The following ADAMTSL3 variants were observed in gnomAD, a reference collection of about 807,000 sequenced individuals.
The protein encoded by ADAMTSL3 is ADAMTS like 3, also known as ADAMTS-like protein 3.
ADAMTSL3 carries 128 observed loss-of-function variants against 201.7 expected under a neutral mutation model. The ratio of observed to expected loss-of-function variants is 0.63; its 90% CI spans 0.55 to 0.73. ADAMTSL3 has a LOEUF of 0.73. Among genes scored for constraint, ADAMTSL3 ranks in the 30% least tolerant of loss-of-function variants. The pLI is 0.00. For missense variants in ADAMTSL3, 1,990 were observed against 2,119.6 expected (o/e 0.94, Z 1.20); for synonymous variants, 738 against 748.4 (o/e 0.99, Z 0.23).
Position 83,885,343 on chromosome 15 carries a change from C to A in ADAMTSL3, c.1072+131C>A, listed in dbSNP as rs1291345587. 4 of 708,310 alleles carry A rather than the reference C, an allele frequency of 5.6e-6. No homozygotes were observed. The African/African-American group carries it at 7.2e-5, about 13-fold the overall frequency. 43.9% of individuals were successfully genotyped at this position (708,310 alleles called of 1,614,324 possible). A position where few individuals can be genotyped will look rare whatever the true frequency, so the allele number is the denominator to read the frequency against. The stretch of plus-strand genomic sequence containing the variant: ...TCTCATCACACAGCACCTTACTCAG[C>A]AGCCTGAATGCAATCGTGTTAATGA... On this transcript the variant is annotated intron_variant, in intron 10 of 29. Coordinates refer to ENST00000286744, the MANE Select transcript of ADAMTSL3 (RefSeq NM_207517.3).
intron 2 of ADAMTSL3, among the ~76,000 whole-genome samples, chr15:83,695,244 G>A (rs796942412): frequency 1.9e-3 from 26 of 13,564 alleles, no homozygotes; most frequent in Non-Finnish European, 3.1e-3. Flanking sequence ...GTGTGTGTGT[G>A]TGTGTGTGTG....
intron 17 of ADAMTSL3, 117 bp downstream of exon 17, chr15:83,924,150 T>C (rs142888096): frequency 1.5e-4 from 193 of 1,322,718 alleles, no homozygotes; most frequent in Non-Finnish European, 1.8e-4. Context: ...GTGCTAAGCC[T>C]GCTTCAGAGC....
chr15:83,762,623 C>T (rs924454085), intron 3 of ADAMTSL3, among the ~76,000 whole-genome samples: 2 of 152,086 alleles, frequency 1.3e-5, no homozygotes, highest in Non-Finnish European at 2.9e-5. Context: ...TCTCAAGCTC[C>T]TTATAAGGGC....
chr15:83,772,640 T>A (rs1412019017), intron 3 of ADAMTSL3, among the ~76,000 whole-genome samples: 2 of 152,294 alleles, frequency 1.3e-5, no homozygotes, highest in East Asian at 3.9e-4. Flanking sequence ...TTATGCAAGG[T>A]TTCTTGGGAG....
chr15:83,738,293 A>G (rs1166894079), intron 3 of ADAMTSL3, among the ~76,000 whole-genome samples: 3 of 152,248 alleles, frequency 2.0e-5, no homozygotes, highest in Non-Finnish European at 1.5e-5. Context: ...ACTTTCCCCA[A>G]TCAGTAGGTT....
At position 83,885,089 on chromosome 15, in the gene ADAMTSL3, C is replaced by G; in HGVS notation, c.961-12C>G. ...TGTTTGCACGTGTGTTCTCACAGTT[C>G]TCTTTGTCCAGACCAGGTACACTGC... On this transcript the variant is annotated splice_polypyrimidine_tract_variant and intron_variant, in intron 9 of 29. Transcript: ENST00000286744. 6.3e-7 allele frequency: 1 copy of G among 1,593,460 alleles called. No individual in the cohort carries two copies. Among genetic ancestry groups the G allele is most frequent in the Non-Finnish European group, 8.6e-7 (1 of 1,162,834 alleles).
chr15:83,706,517 C>G (rs769320540), intron 3 of ADAMTSL3, among the ~76,000 whole-genome samples: 3 of 152,210 alleles, frequency 2.0e-5, no homozygotes, highest in Admixed American at 6.5e-5. Context: ...CCACTTTCCT[C>G]TACTAAAGGC....
intron 15 of ADAMTSL3, among the ~76,000 whole-genome samples, chr15:83,903,933 A>AGG (rs1567226051): frequency 8.2e-5 from 2 of 24,480 alleles, no homozygotes; most frequent in African/African-American, 8.1e-4. Flanking sequence ...AAAAAAAAAA[A>AGG]AAAAAAAAAA....
chr15:83,960,794 G>A (rs2066953310), intron 19 of ADAMTSL3, among the ~76,000 whole-genome samples: 1 of 152,188 alleles, frequency 6.6e-6, no homozygotes, highest in Admixed American at 6.5e-5. Flanking sequence ...ACAAATGGAT[G>A]TAAAGTCTCC....
At chr15:83,978,246 G>A (rs1029424579) in intron 20 of ADAMTSL3, among the ~76,000 whole-genome samples, 1 of 152,250 alleles carries the variant, frequency 6.6e-6, no homozygotes, top group African/African-American at 2.4e-5. Flanking sequence ...AGGAGCTGAG[G>A]TCATTGCCAT....
chr15:84,015,613 C>T (rs2068076038), intron 24 of ADAMTSL3, among the ~76,000 whole-genome samples: 1 of 152,286 alleles, frequency 6.6e-6, no homozygotes, highest in East Asian at 1.9e-4. Flanking sequence ...CTCCCTGCTA[C>T]CCCTCATGGA....
chr15:83,840,075 T>C (rs1417126805), intron 7 of ADAMTSL3, among the ~76,000 whole-genome samples: 2 of 152,046 alleles, frequency 1.3e-5, no homozygotes. Context: ...AAAGAGAGTA[T>C]GTAGAATATA....
intron 4 of ADAMTSL3, among the ~76,000 whole-genome samples, chr15:83,776,627 G>T (rs2063078530): frequency 6.6e-6 from 1 of 152,128 alleles, no homozygotes; most frequent in Admixed American, 6.5e-5. Context: ...TAAGGCAGGA[G>T]AATTGCTTGA....
At chr15:83,884,343 T>C (rs1390335327) in intron 9 of ADAMTSL3, among the ~76,000 whole-genome samples, 6 of 147,028 alleles carry the variant, frequency 4.1e-5, no homozygotes, top group Non-Finnish European at 7.5e-5. Flanking sequence ...ATTTCCTTTT[T>C]TTTTTTTTTT....
intron 3 of ADAMTSL3, among the ~76,000 whole-genome samples, chr15:83,763,072 AG>A (rs1346517872): frequency 6.6e-6 from 1 of 152,158 alleles, no homozygotes; most frequent in Non-Finnish European, 1.5e-5. Context: ...TTTTTTTAGT[AG>A]AGACGGGGTT....
At chr15:84,000,152 T>A (rs2067767288) in intron 23 of ADAMTSL3, among the ~76,000 whole-genome samples, 1 of 152,212 alleles carries the variant, frequency 6.6e-6, no homozygotes, top group Non-Finnish European at 1.5e-5. Context: ...AATCTAAGAT[T>A]ATCTGCTTGC....
intron 3 of ADAMTSL3, among the ~76,000 whole-genome samples, chr15:83,733,681 G>T: frequency 6.6e-6 from 1 of 152,134 alleles, no homozygotes; most frequent in East Asian, 1.9e-4. Flanking sequence ...CTCTCTCATT[G>T]TCTGAAGAAA....
At chr15:83,872,122 T>C (rs1317105770) in intron 9 of ADAMTSL3, among the ~76,000 whole-genome samples, 1 of 152,196 alleles carries the variant, frequency 6.6e-6, no homozygotes, top group Non-Finnish European at 1.5e-5. Flanking sequence ...ACTTTGGATT[T>C]TGAATAATCA....
At chr15:83,692,468 G>A (rs554848206) in intron 2 of ADAMTSL3, among the ~76,000 whole-genome samples, 5 of 151,904 alleles carry the variant, frequency 3.3e-5, no homozygotes, top group East Asian at 1.9e-4. Flanking sequence ...GGCGGATCAC[G>A]AGGTCAGGAG....
Sources: allele counts gnomAD v4.1 joint callset (sites outside exome capture counted in the v4.1 genomes callset), GRCh38; gene constraint gnomAD v4.1.1; transcripts MANE v1.5; gene names NCBI Gene and HGNC (gene_info 2026-07-23, HGNC 2026-07-21).